The following PAPPA variants were observed in gnomAD, a reference collection of about 807,000 sequenced individuals.
The protein encoded by PAPPA is pappalysin-1.
A neutral mutation model predicts 164.0 loss-of-function variants in PAPPA; 60 were observed. The ratio of observed to expected loss-of-function variants is 0.37; its 90% CI spans 0.30 to 0.45. The LOEUF is 0.45. Ranked by LOEUF, PAPPA falls within the 20% of genes least tolerant of loss-of-function variation. PAPPA has a pLI of 1.00. For missense variants in PAPPA, 1,782 were observed against 2,087.3 expected (o/e 0.85, Z 2.85); for synonymous variants, 875 against 814.1 (o/e 1.07, Z -1.27).
chr9:116,401,270 A>C lies in PAPPA; in HGVS notation c.*4654A>C, dbSNP rs2118756363. On this transcript the variant is annotated 3_prime_UTR_variant, in exon 22 of 22. Coordinates refer to ENST00000328252, the MANE Select transcript of PAPPA (RefSeq NM_002581.5). ...AAGTCAGCTAACTGTCGTCTACTTA[A>C]GACTTCTGGTCATTTCCAACTTATA... The C allele has an allele frequency of 6.5e-6, 1 of 152,702 alleles. No individual in the cohort carries two copies. Among genetic ancestry groups the C allele is most frequent in the Admixed American group, 6.5e-5 (1 of 15,282 alleles). The allele number at this position is 152,702 out of a possible 1,614,324, so 9.5% of individuals were successfully genotyped here. A position where few individuals can be genotyped will look rare whatever the true frequency, so the allele number is the denominator to read the frequency against.
At chr9:116,355,893 T>G (rs1846347844) in intron 17 of PAPPA, among the ~76,000 whole-genome samples, 1 of 152,196 alleles carries the variant, frequency 6.6e-6, no homozygotes, top group African/African-American at 2.4e-5. Flanking sequence ...ACGTTTCTAC[T>G]TTGTACTGAA....
At chr9:116,346,374 G>A (rs554515362) in intron 14 of PAPPA, among the ~76,000 whole-genome samples, 32 of 151,950 alleles carry the variant, frequency 2.1e-4, no homozygotes, top group African/African-American at 4.8e-4. Flanking sequence ...CTATTGAGCC[G>A]CCAAATCTGA....
chr9:116,349,298 A>G (rs1846251523), intron 15 of PAPPA, among the ~76,000 whole-genome samples: 1 of 152,254 alleles, frequency 6.6e-6, no homozygotes, highest in Admixed American at 6.5e-5. Context: ...ACTCAGAGAC[A>G]GCTTTGGTTT....
intron 1 of PAPPA, among the ~76,000 whole-genome samples, chr9:116,172,992 C>G (rs1270072182): frequency 6.6e-6 from 1 of 152,100 alleles, no homozygotes; most frequent in Non-Finnish European, 1.5e-5. Flanking sequence ...ATGAGATAGA[C>G]TCTCAGGGAA....
rs117213029 is a variant in PAPPA, at chr9:116,346,915, G to A, written c.3781-111G>A. 2.3e-3 allele frequency: 1,646 copies of A among 726,840 alleles called. 37 individuals are homozygous for A. The East Asian group carries it at 0.041, about 18-fold the overall frequency. The allele number at this position is 726,840 out of a possible 1,614,324, so 45.0% of individuals were successfully genotyped here. A position where few individuals can be genotyped will look rare whatever the true frequency, so the allele number is the denominator to read the frequency against. ...AGCTAACGTTAAACACTAAGCATTG[G>A]TCTCCTAGTGCCTGGGCGAGACTCT... On this transcript the variant is annotated intron_variant, in intron 14 of 21. Coordinates refer to ENST00000328252, the MANE Select transcript of PAPPA (RefSeq NM_002581.5).
chr9:116,276,689 C>A (rs1339839742), intron 9 of PAPPA, among the ~76,000 whole-genome samples: 1 of 152,174 alleles, frequency 6.6e-6, no homozygotes, highest in African/African-American at 2.4e-5. Flanking sequence ...GAGGCATTCC[C>A]TGTGTGTCTC....
At chr9:116,255,500 A>G (rs1844917155) in intron 7 of PAPPA, among the ~76,000 whole-genome samples, 2 of 152,036 alleles carry the variant, frequency 1.3e-5, no homozygotes, top group Admixed American at 6.5e-5. Flanking sequence ...CCTGATTGAG[A>G]TTAGAAAAAC....
chr9:116,237,958 A>G (rs1198143850), intron 7 of PAPPA, among the ~76,000 whole-genome samples: 1 of 152,046 alleles, frequency 6.6e-6, no homozygotes. Context: ...TGACCTCATG[A>G]TCTGCCTACC....
At chr9:116,336,279 G>T (rs112719871) in intron 13 of PAPPA, among the ~76,000 whole-genome samples, 2,774 of 151,898 alleles carry the variant, frequency 0.018, 81 homozygotes, top group African/African-American at 0.064. Context: ...CCTTTCCCAC[G>T]CCCCTGTTAC....
At chr9:116,309,583 G>A (rs924659878) in intron 10 of PAPPA, among the ~76,000 whole-genome samples, 1 of 152,180 alleles carries the variant, frequency 6.6e-6, no homozygotes, top group Non-Finnish European at 1.5e-5. Context: ...AGGTCAGGGA[G>A]AAGTGATTGC....
In PAPPA at chr9:116,271,389, C is replaced by A; in HGVS notation, c.2926C>A (p.Arg976=). 1.9e-6 allele frequency: 3 copies of A among 1,613,418 alleles called. No homozygotes were observed. The highest frequency in any genetic ancestry group is 2.5e-6 in the Non-Finnish European group (3 of 1,179,368). The change falls in exon 9 of 22, where the codon CGA becomes AGA. Residue 976 remains arginine (R), a synonymous_variant. Transcript: ENST00000328252. This position sits in a 1 kb window ranked among gnomAD's most constrained non-coding sequence, Gnocchi z 4.2. ...INGDGCSLFC[R]QEVSFNCIDE... is the part of the protein sequence containing the mutation. ...TGGTGATGGCTGCTCCCTTTTCTGC[C>A]GACAAGAAGTCTCCTTCAATTGTAT...
chr9:116,382,335 C>A, intron 20 of PAPPA, 60 bp from the exon 21 acceptor site: 2 of 1,028,660 alleles, frequency 1.9e-6, no homozygotes, highest in Non-Finnish European at 3.1e-6. Flanking sequence ...CAGACGTCAG[C>A]TCCCACTCAC....
intron 3 of PAPPA, among the ~76,000 whole-genome samples, chr9:116,208,710 C>G (rs1052033444): frequency 7.9e-5 from 12 of 152,162 alleles, no homozygotes; most frequent in African/African-American, 2.9e-4. Context: ...CATTGCTATT[C>G]TGTCTTGGAA....
chr9:116,271,217 T>G lies in PAPPA; in HGVS notation c.2862-108T>G. ...CAGAGACTCAGACAGAGAAAGGGAT[T>G]TGTGCAAGGTCTCACTGAAGGTTCA... On this transcript the variant is annotated intron_variant, in intron 8 of 21. Transcript: ENST00000328252. This position sits in a 1 kb window ranked among gnomAD's most constrained non-coding sequence, Gnocchi z 4.2. The G allele has an allele frequency of 1.4e-6, 1 of 706,442 alleles. No individual in the cohort carries two copies. Among genetic ancestry groups the G allele is most frequent in the East Asian group, 2.5e-5 (1 of 39,760 alleles). The allele number at this position is 706,442 out of a possible 1,614,324, so 43.8% of individuals were successfully genotyped here.
At chr9:116,363,820 C>T (rs1846462544) in intron 18 of PAPPA, among the ~76,000 whole-genome samples, 1 of 152,176 alleles carries the variant, frequency 6.6e-6, no homozygotes, top group Non-Finnish European at 1.5e-5. Context: ...TTCATGGGGA[C>T]TGTCCATCCT....
intron 9 of PAPPA, among the ~76,000 whole-genome samples, chr9:116,290,334 G>A (rs1004103002): frequency 2.7e-5 from 4 of 150,144 alleles, no homozygotes; most frequent in East Asian, 2.0e-4. Context: ...CACGCTTCTC[G>A]ATCTTCATTT....
intron 10 of PAPPA, among the ~76,000 whole-genome samples, chr9:116,304,537 C>A (rs534063628): frequency 6.6e-6 from 1 of 152,292 alleles, no homozygotes; most frequent in South Asian, 2.1e-4. Flanking sequence ...CTCAGAACCT[C>A]CCATGAGGAA....
At chr9:116,387,629 C>T (rs1022611635) in intron 21 of PAPPA, among the ~76,000 whole-genome samples, 5 of 152,238 alleles carry the variant, frequency 3.3e-5, no homozygotes, top group African/African-American at 9.6e-5. Context: ...CCAGCCTCAG[C>T]TTCCCAAAGT....
At chr9:116,189,394 A>G (rs906206514) in intron 2 of PAPPA, among the ~76,000 whole-genome samples, 1 of 152,256 alleles carries the variant, frequency 6.6e-6, no homozygotes, top group Non-Finnish European at 1.5e-5. Flanking sequence ...TACCTTAAAT[A>G]TACACAATAA....
Sources: gnomAD v4.1 joint callset for allele counts (sites outside exome capture counted in the v4.1 genomes callset) on GRCh38, gnomAD v4.1.1 for gene constraint, Gnocchi (gnomAD v3.1) non-coding constraint, MANE v1.5 for transcripts, NCBI Gene and HGNC (gene_info 2026-07-23, HGNC 2026-07-21) for gene names.